Variants in CRX observed in about 807,000 individuals in gnomAD.
The protein encoded by CRX is cone-rod homeobox protein.
In CRX, 5 loss-of-function variants were observed where a neutral mutation model predicts 13.1. The observed-to-expected ratio is 0.38, with a 90% confidence interval of 0.20 to 0.80. CRX has a LOEUF of 0.80. Ranked by LOEUF, CRX falls within the 30% of genes least tolerant of loss-of-function variation. CRX has a pLI of 0.43. For missense variants in CRX, 351 were observed against 391.8 expected, an observed-to-expected ratio of 0.90 and a Z score of 0.88; for synonymous variants, 179 against 171.1, an observed-to-expected ratio of 1.05 and a Z score of -0.36.
intron 1 of CRX, among the ~76,000 whole-genome samples, chr19:47,825,796 A>T (rs566448861): frequency 6.6e-6 from 1 of 151,264 alleles, no homozygotes; most frequent in South Asian, 2.1e-4. Context: ...ATGATGGCAC[A>T]TGCCTGTTGT....
rs1027122859 is a variant in CRX, at chr19:47,843,095, T to G, written c.*3128T>G. The G allele has an allele frequency of 3.9e-5, 6 of 152,268 alleles. No individual in the cohort carries two copies. The highest frequency in any genetic ancestry group is 5.9e-5 in the Non-Finnish European group (4 of 68,124). 9.4% of individuals were successfully genotyped at this position (152,268 alleles called of 1,614,324 possible). ...CTAGGAGGTTACAGATTGCTTTTCC[T>G]GGGCTGGGCTCCTGAGTGTTGGTTC... is the stretch of plus-strand genomic sequence containing the variant. On this transcript the variant is annotated 3_prime_UTR_variant, in exon 4 of 4. Transcript: ENST00000221996.
At chr19:47,824,656 T>A (rs1203021814) in intron 1 of CRX, among the ~76,000 whole-genome samples, 2 of 152,066 alleles carry the variant, frequency 1.3e-5, no homozygotes, top group African/African-American at 4.8e-5. Flanking sequence ...CGCTGTAGAA[T>A]GGAGTTATCT....
intron 1 of CRX, among the ~76,000 whole-genome samples, chr19:47,830,992 G>C (rs1297034464): frequency 6.6e-6 from 1 of 151,926 alleles, no homozygotes; most frequent in Non-Finnish European, 1.5e-5. Context: ...CATTTACCTT[G>C]TCGAAGTCTA....
Position 47,842,270 on chromosome 19 carries a change from C to G in CRX, c.*2303C>G, listed in dbSNP as rs1208087746. The G allele has an allele frequency of 6.6e-6, 1 of 152,290 alleles. No individual in the cohort carries two copies. The highest frequency in any genetic ancestry group is 2.4e-5 in the African/African-American group (1 of 41,434). The allele number at this position is 152,290 out of a possible 1,614,324, so 9.4% of individuals were successfully genotyped here. A position where few individuals can be genotyped will look rare whatever the true frequency, so the allele number is the denominator to read the frequency against. ...TCATCTCTCATAGGCCTGAGTCATG[C>G]TGGGTTCTGGGACATTAAGCCCAGG... On this transcript the variant is annotated 3_prime_UTR_variant, in exon 4 of 4. Transcript: ENST00000221996.
At chr19:47,828,729 G>T (rs922347972) in intron 1 of CRX, among the ~76,000 whole-genome samples, 5 of 151,774 alleles carry the variant, frequency 3.3e-5, no homozygotes, top group Admixed American at 1.3e-4. Flanking sequence ...GCTTTGGGGT[G>T]GGGGAGAGGC....
In CRX at chr19:47,832,426, A is replaced by AT. The variant is rs889991965; in HGVS notation, c.-35-1977dup. Among the ~76,000 whole-genome samples the AT allele has an allele frequency of 1.1e-4, 16 of 150,844 alleles. 1 individual carries two copies. Among genetic ancestry groups the AT allele is most frequent in the Admixed American group, 4.6e-4 (7 of 15,098 alleles). On this transcript the variant is annotated intron_variant, in intron 1 of 3. Transcript: ENST00000221996. ...CAGGCTTACTTTAAAAAAAAAATTA[A>AT]TTTTTTGTAGAGACAGGAGAGTTTC...
At chr19:47,824,990 ATTT>A (rs11374819) in intron 1 of CRX, among the ~76,000 whole-genome samples, 2 of 100,370 alleles carry the variant, frequency 2.0e-5, no homozygotes, top group African/African-American at 4.0e-5. Context: ...CGATTGATTG[ATTT>A]TTTTTTTTTT....
At chr19:47,822,103 C>G (rs1054214916) in intron 1 of CRX, 93 bp downstream of exon 1, 1 of 152,558 alleles carries the variant, frequency 6.6e-6, no homozygotes, top group Non-Finnish European at 1.5e-5. Context: ...CTGTGTTTGC[C>G]GTGCTCTGCA....
At chr19:47,832,912 C>T (rs542602261) in intron 1 of CRX, among the ~76,000 whole-genome samples, 1 of 152,214 alleles carries the variant, frequency 6.6e-6, no homozygotes. Context: ...TGTACTGCTA[C>T]CTATCTGCCA....
chr19:47,830,968 C>T (rs1309552218), intron 1 of CRX, among the ~76,000 whole-genome samples: 1 of 152,040 alleles, frequency 6.6e-6, no homozygotes, highest in Non-Finnish European at 1.5e-5. Flanking sequence ...TGCAACCAAA[C>T]TTCCTGGGGT....
intron 1 of CRX, among the ~76,000 whole-genome samples, chr19:47,832,535 G>T (rs1599979281): frequency 6.6e-6 from 1 of 151,616 alleles, no homozygotes. Context: ...GCCCAGGCTG[G>T]GGTGTGGTGG....
intron 1 of CRX, among the ~76,000 whole-genome samples, chr19:47,832,016 GATGTGA>G (rs1968053284): frequency 6.7e-6 from 1 of 149,604 alleles, no homozygotes; most frequent in African/African-American, 2.5e-5. Flanking sequence ...TGGGATTGCA[GATGTGA>G]GCCACCACAC....
intron 1 of CRX, among the ~76,000 whole-genome samples, chr19:47,828,030 T>C (rs1258411216): frequency 6.6e-6 from 1 of 151,204 alleles, no homozygotes; most frequent in East Asian, 2.0e-4. Flanking sequence ...GGCAGGCCCC[T>C]GTAGTCTCAG....
At chr19:47,830,774 C>T (rs1192268848) in intron 1 of CRX, among the ~76,000 whole-genome samples, 5 of 139,882 alleles carry the variant, frequency 3.6e-5, no homozygotes, top group African/African-American at 8.1e-5. Flanking sequence ...CCAGCCTGGG[C>T]GACAGAACAA....
Position 47,836,105 on chromosome 19 carries a change from A to G in CRX, c.101-138A>G, listed in dbSNP as rs188624231. 45 of 1,065,264 alleles carry G rather than the reference A, an allele frequency of 4.2e-5. 1 individual carries two copies. In the Middle Eastern group the frequency reaches 8.9e-4, roughly 21 times the overall value. 66.0% of individuals were successfully genotyped at this position (1,065,264 alleles called of 1,614,324 possible). A position where few individuals can be genotyped will look rare whatever the true frequency, so the allele number is the denominator to read the frequency against. On this transcript the variant is annotated intron_variant, in intron 2 of 3. Transcript: ENST00000221996. The stretch of plus-strand genomic sequence containing the variant: ...TGCCAGGCACACAGTGAGGTGTAGA[A>G]GGGCAGGGAATGTGTATTCCATCCT...
chr19:47,836,600 C>T (rs981813528), intron 3 of CRX, among the ~76,000 whole-genome samples: 2 of 152,238 alleles, frequency 1.3e-5, no homozygotes, highest in Non-Finnish European at 2.9e-5. Context: ...CTGGCCCTGA[C>T]CTGCCTGCCA....
rs186009678 is a variant in CRX, at chr19:47,827,675, C to G, written c.-36+5665C>G. On this transcript the variant is annotated intron_variant, in intron 1 of 3. Coordinates refer to ENST00000221996, the MANE Select transcript of CRX (RefSeq NM_000554.6). ...AGTAGTTGGGATTACAGGCACCCAT[C>G]ATCATGTCTGGCTAATTTTTGTATT... Among the ~76,000 whole-genome samples, 318 of 147,994 alleles carry G rather than the reference C, an allele frequency of 2.1e-3. 2 individuals carry two copies. Among genetic ancestry groups the G allele is most frequent in the African/African-American group, 7.4e-3 (299 of 40,276 alleles).
chr19:47,831,903 C>A (rs1363405233), intron 1 of CRX, among the ~76,000 whole-genome samples: 1 of 151,242 alleles, frequency 6.6e-6, no homozygotes, highest in African/African-American at 2.4e-5. Flanking sequence ...CCACCACGCC[C>A]GGATAATTTT....
At chr19:47,828,647 G>T (rs1296945067) in intron 1 of CRX, among the ~76,000 whole-genome samples, 1 of 144,436 alleles carries the variant, frequency 6.9e-6, no homozygotes, top group Non-Finnish European at 1.5e-5. Flanking sequence ...CAGTTTAGGG[G>T]CGTAGGTTGC....
Sources: allele counts gnomAD v4.1 joint callset (sites outside exome capture counted in the v4.1 genomes callset), GRCh38; gene constraint gnomAD v4.1.1; transcripts MANE v1.5; gene names NCBI Gene and HGNC (gene_info 2026-07-23, HGNC 2026-07-21).